The following AFAP1 variants were observed in gnomAD, a reference collection of about 807,000 sequenced individuals.
AFAP1 encodes actin filament associated protein 1, also known as actin filament-associated protein 1.
In AFAP1, 75 loss-of-function variants were observed where a neutral mutation model predicts 93.9. That is an observed-to-expected ratio of 0.80 (90% confidence interval 0.66 to 0.97). The LOEUF is 0.97. Ranked by LOEUF, AFAP1 falls within the 50% of genes least tolerant of loss-of-function variation. The probability of loss-of-function intolerance (pLI) is 0.00; values close to 1 mark genes in which losing one functional copy is unlikely to be tolerated. For missense variants in AFAP1, 1,201 were observed against 1,050.8 expected, an observed-to-expected ratio of 1.14 and a Z score of -1.98; for synonymous variants, 517 against 430.7, an observed-to-expected ratio of 1.20 and a Z score of -2.48.
chr4:7,935,010 A>G (rs956389350), intron 1 of AFAP1, among the ~76,000 whole-genome samples: 2 of 152,204 alleles, frequency 1.3e-5, no homozygotes, highest in African/African-American at 4.8e-5. Flanking sequence ...AAAAATGCTA[A>G]AATATAAAAC....
chr4:7,778,817 CAG>C lies in AFAP1; in HGVS notation c.1840_1841del (p.Leu614GlufsTer54), dbSNP rs1247828022. ...SNGVTGKGKT[L>X]SSQPKKADPA... ...GATCCGCTTTCTTTGGCTGACTGCTCAGAGTCTTCCCTTTTCCTGTGACCCCA... is the reference window on the plus strand; with the variant it reads ...GATCCGCTTTCTTTGGCTGACTGCTCAGTCTTCCCTTTTCCTGTGACCCCA... On this transcript the variant is annotated frameshift_variant, in exon 14 of 18. Transcript: ENST00000420658. LOFTEE classifies it high-confidence loss of function. 25 of 1,614,226 alleles carry C rather than the reference CAG, an allele frequency of 1.5e-5. No homozygotes were observed. The highest frequency in any genetic ancestry group is 1.7e-5 in the Non-Finnish European group (20 of 1,180,042).
rs761848102 is a variant in AFAP1, at chr4:7,903,898, T to G, written c.-2-31818A>C. Reference sequence around the variant, plus strand: ...TTCAGATGTCTGACAGCCATACTCATGTACTTCAAGGAAAAAGCTCTGTAA... The same window carrying G: ...TTCAGATGTCTGACAGCCATACTCAGGTACTTCAAGGAAAAAGCTCTGTAA... On this transcript the variant is annotated intron_variant, in intron 1 of 17. Coordinates refer to ENST00000420658, the MANE Select transcript of AFAP1 (RefSeq NM_001134647.2). Among the ~76,000 whole-genome samples, 122 of 151,502 alleles carry G rather than the reference T, an allele frequency of 8.1e-4. 1 individual carries two copies. The highest frequency in any genetic ancestry group is 1.4e-3 in the Non-Finnish European group (93 of 67,966).
intron 4 of AFAP1, chr4:7,843,704 T>C: frequency 4.9e-6 from 1 of 206,082 alleles, no homozygotes; most frequent in South Asian, 8.1e-5. Context: ...CATACAGAAC[T>C]CTTGCCCATG....
chr4:7,815,830 C>A (rs895590772), intron 8 of AFAP1, among the ~76,000 whole-genome samples, 188 bp downstream of exon 8: 1 of 152,182 alleles, frequency 6.6e-6, no homozygotes, highest in Admixed American at 6.5e-5. Flanking sequence ...AGAAGACCTG[C>A]AGGGTTGATG....
intron 1 of AFAP1, among the ~76,000 whole-genome samples, chr4:7,899,070 C>A (rs950106621): frequency 6.6e-6 from 1 of 151,178 alleles, no homozygotes; most frequent in Admixed American, 6.6e-5. Flanking sequence ...CTGTCCTTAA[C>A]GAGTTCTAAA....
intron 1 of AFAP1, among the ~76,000 whole-genome samples, chr4:7,923,133 G>C (rs1047848933): frequency 1.4e-5 from 1 of 72,288 alleles, no homozygotes; most frequent in Admixed American, 1.8e-4. Flanking sequence ...ATTATAAGAA[G>C]ACAAGACTCA....
chr4:7,913,025 T>A (rs1475864743), intron 1 of AFAP1, among the ~76,000 whole-genome samples: 1 of 152,102 alleles, frequency 6.6e-6, no homozygotes, highest in East Asian at 1.9e-4. Flanking sequence ...TTTTTTTAGT[T>A]TTTGTAGAGA....
In AFAP1 at chr4:7,763,656, G is replaced by A; in HGVS notation, c.*109C>T. On this transcript the variant is annotated 3_prime_UTR_variant, in exon 18 of 18. Coordinates refer to ENST00000420658, the MANE Select transcript of AFAP1 (RefSeq NM_001134647.2). ...CTCAGAGCTCAGTCGTGGAGCCTCT[G>A]GAGTCGTGCAGCTGAGGCCACTCTG... is the stretch of plus-strand genomic sequence containing the variant. 6 of 1,339,798 alleles carry A rather than the reference G, an allele frequency of 4.5e-6. No individual in the cohort carries two copies. Among genetic ancestry groups the A allele is most frequent in the Admixed American group, 2.0e-5 (1 of 50,436 alleles). 83.0% of individuals were successfully genotyped at this position (1,339,798 alleles called of 1,614,324 possible). A position where few individuals can be genotyped will look rare whatever the true frequency, so the allele number is the denominator to read the frequency against.
chr4:7,808,634 T>A (rs552793024), intron 9 of AFAP1, among the ~76,000 whole-genome samples: 1 of 152,224 alleles, frequency 6.6e-6, no homozygotes, highest in African/African-American at 2.4e-5. Flanking sequence ...TGGTATAGTT[T>A]GGATATTTCT....
chr4:7,889,818 A>G (rs28795989), intron 1 of AFAP1, among the ~76,000 whole-genome samples: 64,728 of 150,124 alleles, frequency 0.43, 16,669 homozygotes, highest in Non-Finnish European at 0.6. Flanking sequence ...GTATGTAAAC[A>G]ATCTATAAAC....
At chr4:7,885,007 C>G (rs541918898) in intron 1 of AFAP1, among the ~76,000 whole-genome samples, 2 of 152,272 alleles carry the variant, frequency 1.3e-5, no homozygotes, top group African/African-American at 4.8e-5. Context: ...AATGGTTACA[C>G]CTTTCTTTGA....
At chr4:7,890,377 C>A (rs1718393464) in intron 1 of AFAP1, among the ~76,000 whole-genome samples, 1 of 152,132 alleles carries the variant, frequency 6.6e-6, no homozygotes, top group Non-Finnish European at 1.5e-5. Context: ...ACAAGAATTA[C>A]CTTAAATAGA....
At chr4:7,829,453 C>T (rs1721703931) in intron 6 of AFAP1, among the ~76,000 whole-genome samples, 1 of 152,196 alleles carries the variant, frequency 6.6e-6, no homozygotes, top group South Asian at 2.1e-4. Flanking sequence ...AATGGGGGTG[C>T]TGAGCAAGGG....
chr4:7,895,431 C>A (rs998963106), intron 1 of AFAP1, among the ~76,000 whole-genome samples: 3 of 152,176 alleles, frequency 2.0e-5, no homozygotes, highest in African/African-American at 7.2e-5. Context: ...ATAATCTCCA[C>A]TTTAAAGAGC....
rs551773095 is a variant in AFAP1 at position 7,792,005 on chromosome 4, G to C, written c.1412+1676C>G. On this transcript the variant is annotated intron_variant, in intron 11 of 17. Transcript: ENST00000420658. The stretch of plus-strand genomic sequence containing the variant: ...TGTTTGTAAACCCAGTTAATGTCCA[G>C]CTTAATAGAAGGTGGCTGGATTCTC... Among the ~76,000 whole-genome samples, 5 of 152,308 alleles carry C rather than the reference G, an allele frequency of 3.3e-5. No homozygotes were observed. In the South Asian group the frequency reaches 1.0e-3, roughly 32 times the overall value.
chr4:7,887,983 C>G (rs979421344), intron 1 of AFAP1, among the ~76,000 whole-genome samples: 2 of 152,082 alleles, frequency 1.3e-5, no homozygotes, highest in South Asian at 2.1e-4. Flanking sequence ...CGCGCCACCA[C>G]GCCCGGCTAA....
intron 8 of AFAP1, among the ~76,000 whole-genome samples, chr4:7,811,263 G>C (rs1457015344): frequency 7.0e-6 from 1 of 142,704 alleles, no homozygotes; most frequent in African/African-American, 2.6e-5. Context: ...GCTGGCTGCG[G>C]AGATCACAGA....
chr4:7,925,708 G>T (rs573866976), intron 1 of AFAP1, among the ~76,000 whole-genome samples: 44 of 152,298 alleles, frequency 2.9e-4, no homozygotes, highest in Admixed American at 7.2e-4. Context: ...AGCCAGGCAT[G>T]GTGGCGCATG....
intron 1 of AFAP1, among the ~76,000 whole-genome samples, chr4:7,886,424 C>A (rs555439973): frequency 3.2e-4 from 48 of 152,218 alleles, no homozygotes; most frequent in African/African-American, 1.1e-3. Flanking sequence ...AGTTTCAACT[C>A]TGAAAGTGGG....
Sources: allele counts gnomAD v4.1 joint callset (sites outside exome capture counted in the v4.1 genomes callset), GRCh38; gene constraint gnomAD v4.1.1; transcripts MANE v1.5; gene names NCBI Gene and HGNC (gene_info 2026-07-23, HGNC 2026-07-21).